The following ACTR3C variants were observed in gnomAD, a reference collection of about 807,000 sequenced individuals.
ACTR3C encodes the protein actin related protein 3C.
In ACTR3C, 18 loss-of-function variants were observed where a neutral mutation model predicts 26.3. That is an observed-to-expected ratio of 0.68 (90% confidence interval 0.47 to 1.01). The LOEUF (loss-of-function observed/expected upper bound fraction) is 1.01. Ranked by LOEUF, ACTR3C falls within the 50% of genes least tolerant of loss-of-function variation. The pLI is 0.00. For synonymous variants in ACTR3C, 55 were observed against 94.5 expected, an observed-to-expected ratio of 0.58 and a Z score of 2.42; for missense variants, 184 against 250.7, an observed-to-expected ratio of 0.73 and a Z score of 1.80.
the ACTR3C span, among the ~76,000 whole-genome samples, chr7:150,165,868 C>G: frequency 6.6e-6 from 1 of 151,426 alleles, no homozygotes; most frequent in African/African-American, 2.5e-5. Flanking sequence ...GGAGCATGTG[C>G]AAGGAGACCT....
chr7:150,091,913 G>A, the ACTR3C span, among the ~76,000 whole-genome samples: 6 of 141,292 alleles, frequency 4.2e-5, no homozygotes, highest in South Asian at 8.8e-4. Flanking sequence ...GCGTGAACCC[G>A]GGAGGCGGAG....
chr7:150,152,105 T>C, the ACTR3C span, among the ~76,000 whole-genome samples: 24 of 152,046 alleles, frequency 1.6e-4, no homozygotes, highest in East Asian at 1.9e-3. Flanking sequence ...TTTGACTTCC[T>C]CTTTTCCTAA....
At chr7:149,962,836 T>G in the ACTR3C span, among the ~76,000 whole-genome samples, 12,773 of 152,164 alleles carry the variant, frequency 0.084, 676 homozygotes, top group Non-Finnish European at 0.12. Context: ...ATCCAGAAAC[T>G]ACGTATCTCA....
chr7:150,064,393 A>AC, the ACTR3C span, among the ~76,000 whole-genome samples: 12 of 140,198 alleles, frequency 8.6e-5, no homozygotes, highest in East Asian at 2.3e-3. Flanking sequence ...CCCGCCCCCA[A>AC]CCCCCCGCTA....
chr7:150,201,736 T>C, the ACTR3C span, among the ~76,000 whole-genome samples: 10,131 of 150,770 alleles, frequency 0.067, 608 homozygotes, highest in African/African-American at 0.16. Context: ...CCAGTCTCAG[T>C]GACAAGAGTG....
At chr7:150,032,584 A>G in the ACTR3C span, among the ~76,000 whole-genome samples, 1 of 152,152 alleles carries the variant, frequency 6.6e-6, no homozygotes, top group South Asian at 2.1e-4. Flanking sequence ...TCATGAGCTT[A>G]GAGCAGAAAC....
chr7:150,142,368 C>T, the ACTR3C span, among the ~76,000 whole-genome samples: 926 of 152,260 alleles, frequency 6.1e-3, 9 homozygotes, highest in South Asian at 0.036. Flanking sequence ...AATGAGGCAA[C>T]GCTTCAGGAC....
chr7:150,135,046 G>A, the ACTR3C span, among the ~76,000 whole-genome samples: 147 of 152,298 alleles, frequency 9.7e-4, 1 homozygote, highest in African/African-American at 3.2e-3. Context: ...CGCCTGTCTC[G>A]GCCTCGCAAA....
At chr7:150,010,357 T>C in the ACTR3C span, among the ~76,000 whole-genome samples, 2 of 152,150 alleles carry the variant, frequency 1.3e-5, no homozygotes, top group Non-Finnish European at 2.9e-5. Context: ...TTGATAACAG[T>C]CCTCAGATGT....
the ACTR3C span, among the ~76,000 whole-genome samples, chr7:149,925,882 T>C: frequency 6.6e-6 from 1 of 151,956 alleles, no homozygotes; most frequent in Non-Finnish European, 1.5e-5. Context: ...ACCAATATGG[T>C]GAAACCCCCT....
chr7:149,915,371 T>G, the ACTR3C span, among the ~76,000 whole-genome samples: 3 of 152,076 alleles, frequency 2.0e-5, no homozygotes, highest in African/African-American at 7.2e-5. Flanking sequence ...AGCAATAGAA[T>G]GTTACCCTTA....
At chr7:150,200,828 AT>A in the ACTR3C span, among the ~76,000 whole-genome samples, 1 of 152,230 alleles carries the variant, frequency 6.6e-6, no homozygotes, top group East Asian at 1.9e-4. Context: ...AAAATATTAT[AT>A]GTTTCTGGCA....
chr7:150,153,208 C>T, the ACTR3C span, among the ~76,000 whole-genome samples: 2 of 152,074 alleles, frequency 1.3e-5, no homozygotes, highest in African/African-American at 4.8e-5. Flanking sequence ...CAACAAAAGC[C>T]AAAACTGACA....
chr7:149,891,294 A>G, the ACTR3C span: 7 of 1,142,236 alleles, frequency 6.1e-6, no homozygotes, highest in East Asian at 2.6e-5. Flanking sequence ...TCCATGTCGT[A>G]TCGGCCACTG....
chr7:150,042,276 T>C, the ACTR3C span, among the ~76,000 whole-genome samples: 1 of 27,938 alleles, frequency 3.6e-5, no homozygotes, highest in Non-Finnish European at 6.5e-5. Flanking sequence ...TGCCTCCCCC[T>C]CCTGCGATGG....
chr7:149,911,507 A>T, the ACTR3C span, among the ~76,000 whole-genome samples: 1 of 152,140 alleles, frequency 6.6e-6, no homozygotes, highest in Non-Finnish European at 1.5e-5. Context: ...AGTTGTAAAA[A>T]AGGTAATCAT....
At chr7:150,176,102 A>C in the ACTR3C span, among the ~76,000 whole-genome samples, 1,195 of 150,894 alleles carry the variant, frequency 7.9e-3, 20 homozygotes, top group East Asian at 0.07. Flanking sequence ...CCCAACAAAA[A>C]TACATGGCAA....
intron 6 of ACTR3C, among the ~76,000 whole-genome samples, chr7:150,272,535 A>G (rs1343356487): frequency 2.1e-5 from 3 of 139,616 alleles, no homozygotes; most frequent in Non-Finnish European, 4.5e-5. Context: ...CTTCAGAGTG[A>G]GGAAAAAGCA....
chr7:150,057,259 A>G, the ACTR3C span, among the ~76,000 whole-genome samples: 1 of 148,662 alleles, frequency 6.7e-6, no homozygotes, highest in Admixed American at 6.7e-5. Flanking sequence ...CATTTAATGA[A>G]AATCTTGGAA....
Sources: allele counts gnomAD v4.1 joint callset (sites outside exome capture counted in the v4.1 genomes callset), GRCh38; gene constraint gnomAD v4.1.1; transcripts MANE v1.5; gene names NCBI Gene and HGNC (gene_info 2026-07-23, HGNC 2026-07-21).